The following WDFY1 variants were observed in gnomAD, a reference collection of about 807,000 sequenced individuals.
WDFY1 encodes the protein WD repeat and FYVE domain containing 1.
WDFY1 carries 32 observed loss-of-function variants against 56.4 expected under a neutral mutation model. That is an observed-to-expected ratio of 0.57 (90% CI 0.43 to 0.76). The LOEUF (loss-of-function observed/expected upper bound fraction) is 0.76, where lower values mean the gene tolerates loss of function less well. Ranked by LOEUF, WDFY1 falls within the 30% of genes least tolerant of loss-of-function variation. WDFY1 has a pLI of 0.00. For missense variants in WDFY1, 480 were observed against 545.7 expected, an observed-to-expected ratio of 0.88 and a Z score of 1.20; for synonymous variants, 192 against 197.3, an observed-to-expected ratio of 0.97 and a Z score of 0.23.
intron 8 of WDFY1, among the ~76,000 whole-genome samples, chr2:223,891,693 A>C (rs1693282530): frequency 6.6e-6 from 1 of 152,136 alleles, no homozygotes; most frequent in Admixed American, 6.5e-5. Flanking sequence ...TTCTAAAAGA[A>C]TTTACCAACG....
intron 8 of WDFY1, among the ~76,000 whole-genome samples, chr2:223,884,968 A>G (rs1693147720): frequency 6.6e-6 from 1 of 151,084 alleles, no homozygotes; most frequent in African/African-American, 2.4e-5. Flanking sequence ...CAGGCTCCCA[A>G]GTGGCTGGGA....
chr2:223,937,266 C>A (rs1412813022), intron 1 of WDFY1, among the ~76,000 whole-genome samples: 1 of 152,136 alleles, frequency 6.6e-6, no homozygotes, highest in Non-Finnish European at 1.5e-5. Context: ...CACTTATTCA[C>A]GTGCACACAC....
intron 1 of WDFY1, among the ~76,000 whole-genome samples, chr2:223,937,928 A>G (rs1689226425): frequency 6.6e-6 from 1 of 152,236 alleles, no homozygotes; most frequent in Non-Finnish European, 1.5e-5. Context: ...TTATTTATTT[A>G]AGATTGTTTC....
At chr2:223,921,833 G>A (rs888709036) in intron 1 of WDFY1, among the ~76,000 whole-genome samples, 1 of 152,058 alleles carries the variant, frequency 6.6e-6, no homozygotes, top group Admixed American at 6.6e-5. Context: ...CATATATCAC[G>A]TTTGCCATCC....
At chr2:223,884,347 C>G (rs1427893444) in intron 9 of WDFY1, among the ~76,000 whole-genome samples, 1 of 152,084 alleles carries the variant, frequency 6.6e-6, no homozygotes, top group Non-Finnish European at 1.5e-5. Flanking sequence ...AAAACACTGA[C>G]TTTAATAAGT....
chr2:223,882,949 G>A (rs1427675182), intron 9 of WDFY1, among the ~76,000 whole-genome samples: 1 of 151,992 alleles, frequency 6.6e-6, no homozygotes, highest in East Asian at 1.9e-4. Flanking sequence ...GGCTGGTCTT[G>A]AACACCTAGG....
intron 1 of WDFY1, among the ~76,000 whole-genome samples, chr2:223,938,851 G>A (rs1033535399): frequency 3.4e-5 from 3 of 88,938 alleles, no homozygotes; most frequent in African/African-American, 1.2e-4. Flanking sequence ...TAAAATGTAA[G>A]CAGTATTTTT....
chr2:223,897,373 TATATATATATATATA>T (rs1693403978), intron 6 of WDFY1, among the ~76,000 whole-genome samples: 2 of 37,800 alleles, frequency 5.3e-5, no homozygotes, highest in African/African-American at 7.7e-5. Flanking sequence ...TATATATATA[TATATATATATATATA>T]TATTTTTTAA....
chr2:223,933,656 C>T (rs376617865), intron 1 of WDFY1, among the ~76,000 whole-genome samples: 1 of 151,450 alleles, frequency 6.6e-6, no homozygotes, highest in East Asian at 1.9e-4. Context: ...CCTGTCTCTA[C>T]AAAAAATAAA....
Position 223,905,934 on chromosome 2 carries a change from G to T in WDFY1, c.334+13C>A. On this transcript the variant is annotated intron_variant, in intron 4 of 11. Coordinates refer to ENST00000233055, the MANE Select transcript of WDFY1 (RefSeq NM_020830.5). The stretch of plus-strand genomic sequence containing the variant: ...CATGTATGTGTACGCAAGATAATGT[G>T]TATTATAATTACCTGGGTAGGTCTT... The T allele has an allele frequency of 6.5e-7, 1 of 1,541,358 alleles. No individual in the cohort carries two copies. Among genetic ancestry groups the T allele is most frequent in the Non-Finnish European group, 8.8e-7 (1 of 1,139,208 alleles).
rs72048678 is a variant in WDFY1, at chr2:223,884,860, T to TTCTC, written c.832-112_832-111insGAGA. On this transcript the variant is annotated intron_variant, in intron 8 of 11. Coordinates refer to ENST00000233055, the MANE Select transcript of WDFY1 (RefSeq NM_020830.5). ...GCCAAGGTTAGTATTTCTTTTCTTC[T>TTCTC]TTTTTTTTTTTTTTTGGTCTCCCAG... 5 of 475,572 alleles carry TTCTC rather than the reference T, an allele frequency of 1.1e-5. 1 individual carries two copies. The African/African-American group carries it at 3.9e-4, about 37-fold the overall frequency. 29.5% of individuals were successfully genotyped at this position (475,572 alleles called of 1,614,324 possible).
chr2:223,919,744 A>G (rs6706351), intron 1 of WDFY1, among the ~76,000 whole-genome samples: 8,189 of 152,246 alleles, frequency 0.054, 459 homozygotes, highest in East Asian at 0.27. Context: ...TTACACCCTT[A>G]ACCTAAAATA....
intron 1 of WDFY1, among the ~76,000 whole-genome samples, chr2:223,938,996 A>C (rs1410328953): frequency 6.6e-6 from 1 of 151,782 alleles, no homozygotes; most frequent in Non-Finnish European, 1.5e-5. Flanking sequence ...CTAGGATTAC[A>C]GGTGCACACT....
intron 1 of WDFY1, among the ~76,000 whole-genome samples, chr2:223,927,919 G>C (rs1017475928): frequency 1.3e-5 from 2 of 152,078 alleles, no homozygotes; most frequent in African/African-American, 4.8e-5. Flanking sequence ...AGGAGGCCTG[G>C]GGGGAAAGGG....
intron 8 of WDFY1, among the ~76,000 whole-genome samples, chr2:223,893,351 T>C (rs2106076923): frequency 7.1e-6 from 1 of 140,156 alleles, no homozygotes; most frequent in South Asian, 2.2e-4. Flanking sequence ...ACCCTGTCTC[T>C]ACCAAAAAAA....
intron 1 of WDFY1, among the ~76,000 whole-genome samples, chr2:223,923,417 T>C (rs990426554): frequency 1.1e-4 from 17 of 152,184 alleles, no homozygotes; most frequent in African/African-American, 3.6e-4. Flanking sequence ...AAATCTACTA[T>C]TCAGTAAGTT....
At chr2:223,899,163 G>C in intron 5 of WDFY1, 93 bp from the exon 6 acceptor site, 1 of 991,714 alleles carries the variant, frequency 1.0e-6, no homozygotes, top group Non-Finnish European at 1.6e-6. Context: ...AGTTTTCAAA[G>C]TTAGAAAACA....
intron 2 of WDFY1, among the ~76,000 whole-genome samples, chr2:223,913,363 T>C (rs939110955): frequency 1.3e-5 from 2 of 152,104 alleles, no homozygotes; most frequent in African/African-American, 2.4e-5. Flanking sequence ...AGCAAAAACA[T>C]AGCTAACTGC....
intron 1 of WDFY1, among the ~76,000 whole-genome samples, chr2:223,943,075 G>A (rs1008462062): frequency 6.6e-6 from 1 of 151,408 alleles, no homozygotes; most frequent in African/African-American, 2.4e-5. Context: ...CAGCTACTCA[G>A]GAGGTTGAGG....
Sources: allele counts gnomAD v4.1 joint callset (sites outside exome capture counted in the v4.1 genomes callset), GRCh38; gene constraint gnomAD v4.1.1; transcripts MANE v1.5; gene names NCBI Gene and HGNC (gene_info 2026-07-23, HGNC 2026-07-21).